Variants in RBMS3 observed in about 807,000 individuals in gnomAD.
The protein encoded by RBMS3 is RNA binding motif single stranded interacting protein 3, also known as RNA-binding motif, single-stranded-interacting protein 3.
Under a neutral mutation model 66.8 loss-of-function variants are expected in RBMS3, and 27 were observed. The ratio of observed to expected loss-of-function variants is 0.40; its 90% confidence interval spans 0.30 to 0.56. RBMS3 has a LOEUF of 0.56. RBMS3 is among the 20% of genes least tolerant of loss of function. The pLI, the probability that RBMS3 is intolerant of heterozygous loss-of-function variation, is 0.40. For synonymous variants in RBMS3, 188 were observed against 183.0 expected, an observed-to-expected ratio of 1.03 and a Z score of -0.22; for missense variants, 513 against 549.5, an observed-to-expected ratio of 0.93 and a Z score of 0.66.
At chr3:29,358,654 GA>G (rs2037374203) in intron 1 of RBMS3, among the ~76,000 whole-genome samples, 1 of 152,114 alleles carries the variant, frequency 6.6e-6, no homozygotes, top group Non-Finnish European at 1.5e-5. Context: ...CCATTTTCAT[GA>G]TATTGATTCT....
intron 1 of RBMS3, among the ~76,000 whole-genome samples, chr3:29,346,396 C>CT (rs34803214): frequency 0.18 from 10,883 of 60,290 alleles, 1,850 homozygotes; most frequent in Non-Finnish European, 0.2. Context: ...GCAATTCATT[C>CT]TTTTTTTTTT....
chr3:29,413,317 T>A (rs2040346701), intron 1 of RBMS3, among the ~76,000 whole-genome samples: 1 of 152,066 alleles, frequency 6.6e-6, no homozygotes, highest in Non-Finnish European at 1.5e-5. Context: ...TGCAGTGAGC[T>A]GAGATCGTGC....
intron 4 of RBMS3, among the ~76,000 whole-genome samples, chr3:29,595,557 A>G (rs934515070): frequency 2.0e-5 from 3 of 152,192 alleles, no homozygotes; most frequent in African/African-American, 4.8e-5. Context: ...AATAGTCTTC[A>G]TTCATGGCTT....
intron 4 of RBMS3, among the ~76,000 whole-genome samples, chr3:29,683,445 A>G (rs2051582333): frequency 6.6e-6 from 1 of 152,140 alleles, no homozygotes; most frequent in South Asian, 2.1e-4. Context: ...GTGGGGAATA[A>G]AGGGGAGGAG....
At chr3:29,786,113 A>AAAT (rs35219640) in intron 6 of RBMS3, among the ~76,000 whole-genome samples, 1,969 of 149,714 alleles carry the variant, frequency 0.013, 12 homozygotes, top group Non-Finnish European at 0.019. Flanking sequence ...AAAAAAAAAA[A>AAAT]ACTTAGAAAT....
At chr3:29,853,976 T>TATGAGTCACTC (rs1439184926) in intron 6 of RBMS3, among the ~76,000 whole-genome samples, 1 of 152,182 alleles carries the variant, frequency 6.6e-6, no homozygotes, top group Admixed American at 6.5e-5. Flanking sequence ...GGGAGACACT[T>TATGAGTCACTC]ATGAGTCACT....
intron 1 of RBMS3, among the ~76,000 whole-genome samples, chr3:29,295,039 A>C (rs1250156037): frequency 6.6e-6 from 1 of 151,608 alleles, no homozygotes; most frequent in Non-Finnish European, 1.5e-5. Context: ...ACATATCTAA[A>C]CTAATGCAAG....
At chr3:29,528,930 G>A (rs188182180) in intron 3 of RBMS3, among the ~76,000 whole-genome samples, 205 of 151,940 alleles carry the variant, frequency 1.3e-3, no homozygotes, top group Admixed American at 6.2e-3. Flanking sequence ...TTTTAGTAGA[G>A]ATGGGGTTTC....
intron 3 of RBMS3, among the ~76,000 whole-genome samples, chr3:29,492,531 A>G (rs2043589022): frequency 6.6e-6 from 1 of 152,208 alleles, no homozygotes; most frequent in South Asian, 2.1e-4. Flanking sequence ...TCCAGAAAGT[A>G]TCTGCGGAGA....
At chr3:29,426,910 C>A (rs1224118264) in intron 1 of RBMS3, among the ~76,000 whole-genome samples, 1 of 152,168 alleles carries the variant, frequency 6.6e-6, no homozygotes, top group Non-Finnish European at 1.5e-5. Context: ...ATAATTTATA[C>A]ATTTTAGCTT....
intron 6 of RBMS3, among the ~76,000 whole-genome samples, chr3:29,863,060 G>T (rs957218552): frequency 1.3e-5 from 2 of 152,012 alleles, no homozygotes; most frequent in Admixed American, 6.6e-5. Flanking sequence ...TGTTTTCTCT[G>T]CCACTCTCAA....
intron 6 of RBMS3, among the ~76,000 whole-genome samples, chr3:29,807,607 C>A (rs2149452515): frequency 6.6e-6 from 1 of 151,898 alleles, no homozygotes; most frequent in Admixed American, 6.6e-5. Flanking sequence ...ATTTTTAAAA[C>A]TTTTCAGTGT....
At chr3:29,306,358 G>A (rs1363075984) in intron 1 of RBMS3, among the ~76,000 whole-genome samples, 1 of 151,900 alleles carries the variant, frequency 6.6e-6, no homozygotes, top group Non-Finnish European at 1.5e-5. Context: ...GAGACTATTG[G>A]CTTCTTCAGC....
chr3:29,362,238 C>G (rs549959393), intron 1 of RBMS3, among the ~76,000 whole-genome samples: 4 of 152,090 alleles, frequency 2.6e-5, no homozygotes, highest in South Asian at 2.1e-4. Flanking sequence ...TGTGGATGTC[C>G]TTTCTGTTTG....
At position 29,932,223 on chromosome 3, in the gene RBMS3, A is replaced by C. The variant is rs188875180; in HGVS notation, c.940-3863A>C. ...ATATTTCTAGGTCAGCCCATCAAAAATGCAGGCTTAGCCCCTTTGAATGTT... is the reference window on the plus strand; with the variant it reads ...ATATTTCTAGGTCAGCCCATCAAAACTGCAGGCTTAGCCCCTTTGAATGTT... On this transcript the variant is annotated intron_variant, in intron 10 of 14. Coordinates refer to ENST00000383767, the MANE Select transcript of RBMS3 (RefSeq NM_001003793.3). 2.0e-5 allele frequency among the ~76,000 whole-genome samples: 3 copies of C among 152,334 alleles called. No individual in the cohort carries two copies. The East Asian group carries it at 5.8e-4, about 29-fold the overall frequency.
intron 4 of RBMS3, among the ~76,000 whole-genome samples, chr3:29,655,466 A>G (rs1186731508): frequency 6.6e-6 from 1 of 152,188 alleles, no homozygotes; most frequent in African/African-American, 2.4e-5. Context: ...CGGTGGTCTC[A>G]TAAGATTATA....
chr3:29,501,547 G>C (rs376523832), intron 3 of RBMS3, among the ~76,000 whole-genome samples: 2 of 152,190 alleles, frequency 1.3e-5, no homozygotes, highest in East Asian at 1.9e-4. Flanking sequence ...TTAGGAGGAA[G>C]ACTTACGGTG....
intron 6 of RBMS3, among the ~76,000 whole-genome samples, chr3:29,834,073 A>G (rs1576945224): frequency 6.6e-6 from 1 of 152,068 alleles, no homozygotes; most frequent in African/African-American, 2.4e-5. Flanking sequence ...ACAAAACAAA[A>G]ATAGATTACC....
intron 3 of RBMS3, among the ~76,000 whole-genome samples, chr3:29,519,117 C>T (rs983608887): frequency 2.0e-5 from 3 of 152,116 alleles, no homozygotes; most frequent in Non-Finnish European, 4.4e-5. Flanking sequence ...ATATCTGTAA[C>T]GTAAGTTGGT....
Sources: allele counts gnomAD v4.1 joint callset (sites outside exome capture counted in the v4.1 genomes callset), GRCh38; gene constraint gnomAD v4.1.1; transcripts MANE v1.5; gene names NCBI Gene and HGNC (gene_info 2026-07-23, HGNC 2026-07-21).